Variants in ATM observed in about 807,000 individuals in gnomAD.
The protein encoded by ATM is serine-protein kinase ATM.
A neutral mutation model predicts 387.0 loss-of-function variants in ATM; 308 were observed. The observed-to-expected ratio is 0.80, with a 90% CI of 0.73 to 0.87. ATM has a LOEUF of 0.87. ATM is among the 40% of genes least tolerant of loss of function. ATM has a pLI of 0.00. For missense variants in ATM, 3,312 were observed against 3,560.9 expected, an observed-to-expected ratio of 0.93 and a Z score of 1.78; for synonymous variants, 1,156 against 1,187.3, an observed-to-expected ratio of 0.97 and a Z score of 0.54.
intron 37 of ATM, among the ~76,000 whole-genome samples, chr11:108,305,392 C>T (rs961912944): frequency 7.2e-5 from 11 of 152,076 alleles, no homozygotes; most frequent in African/African-American, 2.4e-4. Context: ...CCAGCCTGGC[C>T]AACGTGGTGA....
intron 15 of ATM, among the ~76,000 whole-genome samples, chr11:108,258,636 A>C (rs1357920774): frequency 6.6e-6 from 1 of 152,172 alleles, no homozygotes; most frequent in African/African-American, 2.4e-5. Context: ...TATTAGGTAC[A>C]TGGCCATATA....
intron 26 of ATM, among the ~76,000 whole-genome samples, chr11:108,285,046 G>T (rs906717494): frequency 6.6e-6 from 1 of 152,044 alleles, no homozygotes; most frequent in East Asian, 1.9e-4. Context: ...TGAAGCCTCT[G>T]TCTCCTGGGT....
chr11:108,295,200 C>A, intron 32 of ATM, 141 bp downstream of exon 32: 1 of 1,104,032 alleles, frequency 9.1e-7, no homozygotes, highest in Non-Finnish European at 1.4e-6. Flanking sequence ...TCTCATCTAA[C>A]TGTAAAACTG....
chr11:108,228,316 G>C (rs1443515596), intron 3 of ATM, among the ~76,000 whole-genome samples: 1 of 152,066 alleles, frequency 6.6e-6, no homozygotes, highest in Non-Finnish European at 1.5e-5. Context: ...GTATGAATTT[G>C]GTTAAAAACA....
At chr11:108,303,119 TATC>T in intron 36 of ATM, 90 bp downstream of exon 36, 1 of 1,247,236 alleles carries the variant, frequency 8.0e-7, no homozygotes, top group African/African-American at 1.5e-5. Context: ...CTTCACATAA[TATC>T]ACCCCCACTC....
rs148293221 is a variant in ATM, at chr11:108,339,515, C to G, written c.8268+3554C>G. Among the ~76,000 whole-genome samples, 237 of 152,184 alleles carry G rather than the reference C, an allele frequency of 1.6e-3. 2 individuals carry two copies. Among genetic ancestry groups the G allele is most frequent in the Non-Finnish European group, 2.1e-3 (144 of 67,988 alleles). On this transcript the variant is annotated intron_variant, in intron 56 of 62. Coordinates refer to ENST00000675843, the MANE Select transcript of ATM (RefSeq NM_000051.4). ...TTCAGAGAACTGAGAAAATAGTCAT[C>G]AGTCCTTTTTTGTGGTATTCACACA...
At chr11:108,317,652 T>TAA (rs1399501257) in intron 43 of ATM, 131 bp downstream of exon 43, 1 of 117,468 alleles carries the variant, frequency 8.5e-6, no homozygotes, top group East Asian at 2.4e-4. Context: ...TATATATATA[T>TAA]ACACACACAC....
intron 12 of ATM, among the ~76,000 whole-genome samples, chr11:108,253,190 T>A (rs1591531752): frequency 6.6e-6 from 1 of 152,298 alleles, no homozygotes; most frequent in East Asian, 1.9e-4. Flanking sequence ...AAATTAAGAA[T>A]ATAAAATTTA....
intron 29 of ATM, 64 bp from the exon 30 acceptor site, chr11:108,292,555 T>C (rs2082850639): frequency 6.5e-7 from 1 of 1,547,164 alleles, no homozygotes; most frequent in South Asian, 1.1e-5. Context: ...TCTGAATGAA[T>C]TTATTTCAGA....
At chr11:108,357,982 C>T (rs993745497) in intron 61 of ATM, among the ~76,000 whole-genome samples, 6 of 147,996 alleles carry the variant, frequency 4.1e-5, no homozygotes, top group Non-Finnish European at 9.0e-5. Flanking sequence ...AGGCTTCAGA[C>T]GATCAAATTA....
Position 108,315,935 on chromosome 11 carries a change from C to T in ATM, c.6095+24C>T, listed in dbSNP as rs781167910. ...AGGTAAATTGCATTTTTCTAAACAACGGTATAGTAATTCTGTTTATGAAGG... is the reference window on the plus strand; with the variant it reads ...AGGTAAATTGCATTTTTCTAAACAATGGTATAGTAATTCTGTTTATGAAGG... On this transcript the variant is annotated intron_variant, in intron 41 of 62. Transcript: ENST00000675843. 2.4e-5 allele frequency: 38 copies of T among 1,605,936 alleles called. No homozygotes were observed. Among genetic ancestry groups the T allele is most frequent in the South Asian group, 1.4e-4 (13 of 90,902 alleles).
rs550854798 is a variant in ATM, at chr11:108,243,594, CAG to C, written c.497-356_497-355del. On this transcript the variant is annotated intron_variant, in intron 5 of 62. Transcript: ENST00000675843. ...CACCATTGCACTCCAGCCTGGACGA[CAG>C]AGCAAGATTCTGTCTCAAAAAACAG... Among the ~76,000 whole-genome samples the C allele has an allele frequency of 1.8e-4, 27 of 152,252 alleles. No homozygotes were observed. In the South Asian group the frequency reaches 5.6e-3, roughly 32 times the overall value.
At chr11:108,300,341 T>C (rs1426575998) in intron 34 of ATM, among the ~76,000 whole-genome samples, 8 of 152,222 alleles carry the variant, frequency 5.3e-5, no homozygotes, top group Non-Finnish European at 1.2e-4. Context: ...GGTCTTCTAT[T>C]ACTTATTCTC....
rs786201375 is a variant in ATM, at chr11:108,227,883, T to G, written c.180T>G (p.Val60=). ...KQGKYLNWDA[V]FRFLQKYIQK... The stretch of plus-strand genomic sequence containing the variant: ...GAAAATATTTGAATTGGGATGCTGT[T>G]TTTAGGTATTCTATTCAAATTTATT... Residue 60 remains valine (V), a synonymous_variant, in exon 3 of 63, where the codon GTT becomes GTG. Coordinates refer to ENST00000675843, the MANE Select transcript of ATM (RefSeq NM_000051.4). The G allele has an allele frequency of 1.9e-6, 3 of 1,607,674 alleles. No homozygotes were observed. Among genetic ancestry groups the G allele is most frequent in the Non-Finnish European group, 2.6e-6 (3 of 1,175,492 alleles).
At chr11:108,335,822 A>G in intron 55 of ATM, 23 bp from the exon 56 acceptor site, 1 of 1,580,352 alleles carries the variant, frequency 6.3e-7, no homozygotes, top group South Asian at 1.1e-5. Flanking sequence ...GTACTTGTTT[A>G]TTCATGCTTA....
intron 29 of ATM, among the ~76,000 whole-genome samples, chr11:108,291,946 G>C (rs930649959): frequency 6.6e-6 from 1 of 152,076 alleles, no homozygotes; most frequent in African/African-American, 2.4e-5. Flanking sequence ...AAAGAAATAC[G>C]CTCCCCAGCT....
At position 108,301,791 on chromosome 11, in the gene ATM, TCTC is replaced by T. The variant is rs2083447373; in HGVS notation, c.5319+3_5319+5del. 6.2e-7 allele frequency: 1 copy of T among 1,613,130 alleles called. No homozygotes were observed. The highest frequency in any genetic ancestry group is 1.3e-5 in the African/African-American group (1 of 74,882). The stretch of plus-strand genomic sequence containing the variant: ...CCTTTTAGAACATCAAGAAAAAAGG[TCTC>T]TTAAGTAATAAATGTTTATTGAATA... On this transcript the variant is annotated splice_donor_5th_base_variant and intron_variant, in intron 35 of 62. Coordinates refer to ENST00000675843, the MANE Select transcript of ATM (RefSeq NM_000051.4).
intron 22 of ATM, among the ~76,000 whole-genome samples, chr11:108,276,815 G>C (rs558394237): frequency 1.2e-3 from 187 of 152,288 alleles, no homozygotes; most frequent in Non-Finnish European, 2.4e-3. Flanking sequence ...CTGCTGGGAG[G>C]TGTCTCCCAG....
At chr11:108,293,619 C>T (rs2082936392) in intron 31 of ATM, 142 bp downstream of exon 31, 2 of 759,938 alleles carry the variant, frequency 2.6e-6, no homozygotes. Flanking sequence ...GGCACATTGG[C>T]TCATGCCTAT....
Sources: gnomAD v4.1 joint callset for allele counts (sites outside exome capture counted in the v4.1 genomes callset) on GRCh38, gnomAD v4.1.1 for gene constraint, MANE v1.5 for transcripts, NCBI Gene and HGNC (gene_info 2026-07-23, HGNC 2026-07-21) for gene names.